The following ZNF714 variants were observed in gnomAD, a reference collection of about 807,000 sequenced individuals.
The protein encoded by ZNF714 is zinc finger protein 714.
Under a neutral mutation model 46.2 loss-of-function variants are expected in ZNF714, and 32 were observed. The ratio of observed to expected loss-of-function variants is 0.69; its 90% CI spans 0.52 to 0.93. ZNF714 has a LOEUF of 0.93. Ranked by LOEUF, ZNF714 falls within the 40% of genes least tolerant of loss-of-function variation. The probability of loss-of-function intolerance (pLI) is 0.00; values close to 1 mark genes in which losing one functional copy is unlikely to be tolerated. For synonymous variants in ZNF714, 199 were observed against 213.1 expected, an observed-to-expected ratio of 0.93 and a Z score of 0.58; for missense variants, 635 against 646.3, an observed-to-expected ratio of 0.98 and a Z score of 0.19.
At chr19:21,095,333 C>A (rs1169613438) in intron 2 of ZNF714, among the ~76,000 whole-genome samples, 4 of 152,150 alleles carry the variant, frequency 2.6e-5, no homozygotes, top group South Asian at 4.1e-4. Context: ...AGCTGTAGAT[C>A]ATGCGCCTGC....
chr19:21,099,756 A>G (rs1195335880), intron 4 of ZNF714, among the ~76,000 whole-genome samples: 1 of 152,182 alleles, frequency 6.6e-6, no homozygotes, highest in Non-Finnish European at 1.5e-5. Flanking sequence ...ATTGTGAAAA[A>G]AATGCCACTG....
chr19:21,115,164 AT>A (rs1370843315), intron 4 of ZNF714, among the ~76,000 whole-genome samples: 2 of 151,722 alleles, frequency 1.3e-5, no homozygotes, highest in African/African-American at 4.8e-5. Context: ...TTCTCATTAT[AT>A]CTGCCCTCAA....
In ZNF714 at chr19:21,124,454, GAC is replaced by G. The variant is rs1001689960; in HGVS notation, c.*6126_*6127del. Among the ~76,000 whole-genome samples the G allele has an allele frequency of 2.0e-4, 30 of 152,052 alleles. No homozygotes were observed. Among genetic ancestry groups the G allele is most frequent in the Admixed American group, 3.3e-4 (5 of 15,262 alleles). On this transcript the variant is annotated 3_prime_UTR_variant, in exon 5 of 5. Coordinates refer to ENST00000456283, the MANE Select transcript of ZNF714 (RefSeq NM_182515.4). ...ACTATTTAGCCAAAGTAATCACAAA[GAC>G]ACAGTATTTGACACATTGTTATTCT...
chr19:21,098,554 A>G (rs1479937594), intron 3 of ZNF714, among the ~76,000 whole-genome samples: 1 of 152,138 alleles, frequency 6.6e-6, no homozygotes, highest in African/African-American at 2.4e-5. Flanking sequence ...GTAATTCCAG[A>G]AATTTGGTGG....
Position 21,124,765 on chromosome 19 carries a change from A to G in ZNF714, c.*6433A>G, listed in dbSNP as rs1360571646. ...CTTTCCAAACCCCCATTTCTTCTAA[A>G]TACCTTGGCATCTGATGGTCACCAT... On this transcript the variant is annotated 3_prime_UTR_variant, in exon 5 of 5. Transcript: ENST00000456283. Among the ~76,000 whole-genome samples, 1 of 152,032 alleles carries G rather than the reference A, an allele frequency of 6.6e-6. No individual in the cohort carries two copies. Among genetic ancestry groups the G allele is most frequent in the Non-Finnish European group, 1.5e-5 (1 of 68,004 alleles).
chr19:21,097,057 G>A (rs111532380), intron 2 of ZNF714, among the ~76,000 whole-genome samples: 11,504 of 151,878 alleles, frequency 0.076, 493 homozygotes, highest in Non-Finnish European at 0.086. Context: ...TAATAGAGAC[G>A]GGGTTTCACT....
chr19:21,107,453 G>A (rs987982729), intron 4 of ZNF714, among the ~76,000 whole-genome samples: 14 of 152,208 alleles, frequency 9.2e-5, no homozygotes, highest in African/African-American at 1.7e-4. Flanking sequence ...AGGTCAGGCT[G>A]GTCTTGAACT....
intron 4 of ZNF714, among the ~76,000 whole-genome samples, chr19:21,100,791 A>G (rs1969160016): frequency 6.6e-6 from 1 of 151,700 alleles, no homozygotes; most frequent in African/African-American, 2.4e-5. Context: ...GCTCACTGCA[A>G]CCTCCACCTC....
Position 21,118,616 on chromosome 19 carries a change from T to A in ZNF714, c.*284T>A. 1 of 257,874 alleles carries A rather than the reference T, an allele frequency of 3.9e-6. No homozygotes were observed. The allele number at this position is 257,874 out of a possible 1,614,324, so 16.0% of individuals were successfully genotyped here. A position where few individuals can be genotyped will look rare whatever the true frequency, so the allele number is the denominator to read the frequency against. On this transcript the variant is annotated 3_prime_UTR_variant, in exon 5 of 5. Transcript: ENST00000456283. Reference sequence around the variant, plus strand: ...AGAATATGGCAAAGCCTTTAACCAGTCTTCAACTCTTACTAGGCATTAAAA... The same window carrying A: ...AGAATATGGCAAAGCCTTTAACCAGACTTCAACTCTTACTAGGCATTAAAA...
intron 4 of ZNF714, among the ~76,000 whole-genome samples, chr19:21,114,480 T>C (rs1319490181): frequency 1.3e-5 from 2 of 152,106 alleles, no homozygotes; most frequent in Non-Finnish European, 2.9e-5. Context: ...CCTGCTTTTT[T>C]TTCTGCTTTT....
At position 21,122,351 on chromosome 19, in the gene ZNF714, A is replaced by T. The variant is rs1473228018; in HGVS notation, c.*4019A>T. ...ACATTTTTTCCAGACTATAAAACTG[A>T]ATCTTGCTGAATTTAAAGAGAAATT... On this transcript the variant is annotated 3_prime_UTR_variant, in exon 5 of 5. Transcript: ENST00000456283. 6.6e-6 allele frequency: 1 copy of T among 152,220 alleles called. No individual in the cohort carries two copies. The highest frequency in any genetic ancestry group is 2.4e-5 in the African/African-American group (1 of 41,462). The allele number at this position is 152,220 out of a possible 1,614,324, so 9.4% of individuals were successfully genotyped here.
rs528596025 is a variant in ZNF714, at chr19:21,121,058, G to A, written c.*2726G>A. 6.6e-6 allele frequency: 1 copy of A among 152,220 alleles called. No homozygotes were observed. Among genetic ancestry groups the A allele is most frequent in the Non-Finnish European group, 1.5e-5 (1 of 68,034 alleles). The allele number at this position is 152,220 out of a possible 1,614,324, so 9.4% of individuals were successfully genotyped here. On this transcript the variant is annotated 3_prime_UTR_variant, in exon 5 of 5. Transcript: ENST00000456283. The stretch of plus-strand genomic sequence containing the variant: ...TTGTTGTTGTTCTTGTTGTTGTTGA[G>A]ACGGAGTCTCGCTCTGTCGCCCAGG...
chr19:21,116,206 A>G (rs2144879554), intron 4 of ZNF714, among the ~76,000 whole-genome samples: 1 of 152,232 alleles, frequency 6.6e-6, no homozygotes, highest in South Asian at 2.1e-4. Flanking sequence ...TTTTGTGTTT[A>G]CTTTTTAGTT....
chr19:21,102,104 A>G (rs1969195408), intron 4 of ZNF714, among the ~76,000 whole-genome samples: 1 of 148,636 alleles, frequency 6.7e-6, no homozygotes, highest in Non-Finnish European at 1.5e-5. Context: ...TGTCTCATAA[A>G]GGCATTTTTT....
At chr19:21,089,367 T>G (rs1968855632) in intron 2 of ZNF714, among the ~76,000 whole-genome samples, 1 of 152,210 alleles carries the variant, frequency 6.6e-6, no homozygotes, top group Non-Finnish European at 1.5e-5. Flanking sequence ...ATTACCAGAC[T>G]TTAGTCAGGT....
chr19:21,083,874 T>C, intron 1 of ZNF714, 104 bp from the exon 2 acceptor site: 1 of 438,202 alleles, frequency 2.3e-6, no homozygotes, highest in Non-Finnish European at 3.5e-6. Flanking sequence ...TTTTTTCTGG[T>C]CGTGGGTTTC....
chr19:21,092,964 C>T (rs954717246), intron 2 of ZNF714, among the ~76,000 whole-genome samples: 117 of 126,916 alleles, frequency 9.2e-4, no homozygotes, highest in African/African-American at 3.3e-3. Context: ...GGCTGGAGTG[C>T]AGTGGTGCGA....
intron 4 of ZNF714, among the ~76,000 whole-genome samples, chr19:21,105,462 GA>G (rs1969288413): frequency 6.6e-6 from 1 of 151,540 alleles, no homozygotes; most frequent in Non-Finnish European, 1.5e-5. Context: ...TCAGTCTATT[GA>G]ATTTTTTTTA....
chr19:21,117,613 C>A lies in ZNF714; in HGVS notation c.949C>A (p.Gln317Lys). 6.2e-7 allele frequency: 1 copy of A among 1,609,698 alleles called. No individual in the cohort carries two copies. Among genetic ancestry groups the A allele is most frequent in the Non-Finnish European group, 8.5e-7 (1 of 1,178,104 alleles). ...HSGEKSYKCE[Q>K]CGKGFNWSST... ...TGGAGAGAAATCTTACAAATGTGAA[C>A]AATGTGGCAAAGGCTTTAACTGGTC... is the stretch of plus-strand genomic sequence containing the variant. The change falls in exon 5 of 5, where the codon CAA becomes AAA. Residue 317 changes from glutamine to lysine, a missense_variant. Transcript: ENST00000456283.
Sources: allele counts gnomAD v4.1 joint callset (sites outside exome capture counted in the v4.1 genomes callset), GRCh38; gene constraint gnomAD v4.1.1; transcripts MANE v1.5; gene names NCBI Gene and HGNC (gene_info 2026-07-23, HGNC 2026-07-21).